Variants in NFKB1 observed in about 807,000 individuals in gnomAD.
NFKB1 encodes nuclear factor NF-kappa-B p105 subunit.
A neutral mutation model predicts 105.1 loss-of-function variants in NFKB1; 9 were observed. That is an observed-to-expected ratio of 0.09 (90% CI 0.05 to 0.15). The LOEUF is 0.15. NFKB1 is among the 10% of genes least tolerant of loss of function. The pLI is 1.00. For missense variants in NFKB1, 830 were observed against 1,203.7 expected, an observed-to-expected ratio of 0.69 and a Z score of 4.59; for synonymous variants, 440 against 442.2, an observed-to-expected ratio of 1.00 and a Z score of 0.06.
At chr4:102,593,736 T>C (rs1325815044) in intron 12 of NFKB1, among the ~76,000 whole-genome samples, 168 bp downstream of exon 12, 2 of 152,226 alleles carry the variant, frequency 1.3e-5, no homozygotes, top group African/African-American at 2.4e-5. Flanking sequence ...AAATCCATGT[T>C]CATTTTACAA....
At chr4:102,515,851 ATTC>A (rs1402765672) in intron 1 of NFKB1, among the ~76,000 whole-genome samples, 1 of 152,186 alleles carries the variant, frequency 6.6e-6, no homozygotes, top group Admixed American at 6.5e-5. Flanking sequence ...GATGCTTTTT[ATTC>A]TTTCATACAG....
At chr4:102,558,005 A>G (rs561190409) in intron 5 of NFKB1, among the ~76,000 whole-genome samples, 39 of 145,204 alleles carry the variant, frequency 2.7e-4, no homozygotes, top group African/African-American at 9.4e-4. Context: ...TAAATAGCCT[A>G]TTGAGATGCT....
chr4:102,512,157 A>G (rs1307566811), intron 1 of NFKB1, among the ~76,000 whole-genome samples: 1 of 152,200 alleles, frequency 6.6e-6, no homozygotes. Flanking sequence ...TTACATTCTC[A>G]TTTACTTATT....
intron 5 of NFKB1, among the ~76,000 whole-genome samples, chr4:102,545,093 T>C (rs17032779): frequency 0.036 from 5,486 of 152,258 alleles, 221 homozygotes; most frequent in African/African-American, 0.1. Context: ...GCAATTCGCC[T>C]TGATAAGGTC....
chr4:102,558,068 C>T, intron 5 of NFKB1, among the ~76,000 whole-genome samples: 1 of 143,218 alleles, frequency 7.0e-6, no homozygotes. Context: ...GTTTTATGTG[C>T]AGGATGTGCA....
At chr4:102,595,670 G>T (rs1726550805) in intron 13 of NFKB1, among the ~76,000 whole-genome samples, 1 of 152,190 alleles carries the variant, frequency 6.6e-6, no homozygotes. Flanking sequence ...AAAGCTAGAT[G>T]CTCTCATAGT....
rs377436522 is a variant in NFKB1 at position 102,570,915 on chromosome 4, A to G, written c.407+3780A>G. 1.1e-4 allele frequency among the ~76,000 whole-genome samples: 16 copies of G among 152,226 alleles called. No individual in the cohort carries two copies. The East Asian group carries it at 3.1e-3, about 29-fold the overall frequency. On this transcript the variant is annotated intron_variant, in intron 6 of 23. Transcript: ENST00000226574. Reference sequence around the variant, plus strand: ...TGAAAATGGCCATACTGCCCAAGGTAATTTATAGATTCAATGCCATCCCCA... The same window carrying G: ...TGAAAATGGCCATACTGCCCAAGGTGATTTATAGATTCAATGCCATCCCCA...
At chr4:102,589,699 T>G (rs1217907808) in intron 11 of NFKB1, among the ~76,000 whole-genome samples, 2 of 151,914 alleles carry the variant, frequency 1.3e-5, no homozygotes, top group South Asian at 2.1e-4. Context: ...AAACTGACAT[T>G]GAAGAATCAG....
chr4:102,591,465 C>T (rs966467838), intron 11 of NFKB1, among the ~76,000 whole-genome samples: 2 of 149,862 alleles, frequency 1.3e-5, no homozygotes, highest in African/African-American at 2.4e-5. Flanking sequence ...GGAGTTAATG[C>T]AGCTGGTGAC....
rs191115936 is a variant in NFKB1, at chr4:102,614,967, C to T, written c.2749+1386C>T. On this transcript the variant is annotated intron_variant, in intron 23 of 23. Coordinates refer to ENST00000226574, the MANE Select transcript of NFKB1 (RefSeq NM_003998.4). ...ACTAATCACTTCGTATGCGACGCATCGAGTGTCATCCTGTCTGCAACCACC... is the reference window on the plus strand; with the variant it reads ...ACTAATCACTTCGTATGCGACGCATTGAGTGTCATCCTGTCTGCAACCACC... Among the ~76,000 whole-genome samples, 33 of 152,202 alleles carry T rather than the reference C, an allele frequency of 2.2e-4. No homozygotes were observed. In the East Asian group the frequency reaches 5.2e-3, roughly 24 times the overall value.
chr4:102,568,568 T>A (rs1724066150), intron 6 of NFKB1, among the ~76,000 whole-genome samples: 1 of 152,164 alleles, frequency 6.6e-6, no homozygotes, highest in Non-Finnish European at 1.5e-5. Flanking sequence ...AAGTGTTTAT[T>A]TTCTTTGGTC....
chr4:102,582,504 C>T (rs1725389725), intron 9 of NFKB1, among the ~76,000 whole-genome samples: 1 of 152,132 alleles, frequency 6.6e-6, no homozygotes, highest in Non-Finnish European at 1.5e-5. Flanking sequence ...TTTTTATGTA[C>T]ATCTATATAT....
intron 1 of NFKB1, among the ~76,000 whole-genome samples, chr4:102,509,454 G>A (rs1322396645): frequency 2.0e-5 from 3 of 152,188 alleles, no homozygotes; most frequent in African/African-American, 7.2e-5. Flanking sequence ...TCAATCCTGT[G>A]TTGAAATAGA....
intron 7 of NFKB1, chr4:102,578,590 T>TTAA: frequency 2.1e-6 from 1 of 470,598 alleles, no homozygotes; most frequent in Admixed American, 3.6e-5. Context: ...ACTCTTACTG[T>TTAA]AGAGAGGAAA....
chr4:102,541,425 T>C (rs1741990839), intron 5 of NFKB1, among the ~76,000 whole-genome samples: 1 of 152,226 alleles, frequency 6.6e-6, no homozygotes, highest in Non-Finnish European at 1.5e-5. Flanking sequence ...ATAATTTCTG[T>C]TAGAATATCA....
chr4:102,543,679 G>C (rs1055352644), intron 5 of NFKB1, among the ~76,000 whole-genome samples: 2 of 151,430 alleles, frequency 1.3e-5, no homozygotes, highest in African/African-American at 2.4e-5. Context: ...TGTCGAGGTC[G>C]AATAGAGACT....
chr4:102,576,464 C>A (rs1350895741), intron 6 of NFKB1, among the ~76,000 whole-genome samples: 1 of 152,182 alleles, frequency 6.6e-6, no homozygotes, highest in African/African-American at 2.4e-5. Flanking sequence ...CTCCCGTAAT[C>A]AAATTTGGAA....
At position 102,582,855 on chromosome 4, in the gene NFKB1, ATTGT is replaced by A. The variant is rs1394382185; in HGVS notation, c.836-7_836-4del. The A allele has an allele frequency of 1.3e-6, 2 of 1,583,940 alleles. No individual in the cohort carries two copies. Among genetic ancestry groups the A allele is most frequent in the Admixed American group, 1.7e-5 (1 of 59,868 alleles). On this transcript the variant is annotated splice_polypyrimidine_tract_variant and splice_region_variant and intron_variant, in intron 9 of 23. Transcript: ENST00000226574. ...ATGTGAAATTACACACTTCAATGTG[ATTGT>A]TTGCAGATGACATCCAGATTCGATT...
At chr4:102,515,011 C>T (rs115511558) in intron 1 of NFKB1, among the ~76,000 whole-genome samples, 10 of 151,398 alleles carry the variant, frequency 6.6e-5, no homozygotes, top group Non-Finnish European at 1.5e-4. Context: ...TTATGAAAAG[C>T]GTATACTTTA....
Sources: gnomAD v4.1 joint callset for allele counts (sites outside exome capture counted in the v4.1 genomes callset) on GRCh38, gnomAD v4.1.1 for gene constraint, MANE v1.5 for transcripts, NCBI Gene and HGNC (gene_info 2026-07-23, HGNC 2026-07-21) for gene names.